The following SH3GL3 variants were observed in gnomAD, a reference collection of about 807,000 sequenced individuals.
The protein encoded by SH3GL3 is SH3 domain containing GRB2 like 3, endophilin A3, also known as endophilin-A3.
Under a neutral mutation model 47.7 loss-of-function variants are expected in SH3GL3, and 33 were observed. The ratio of observed to expected loss-of-function variants is 0.69; its 90% CI spans 0.52 to 0.92. The LOEUF (loss-of-function observed/expected upper bound fraction) is 0.92, where lower values mean the gene tolerates loss of function less well. Among genes scored for constraint, SH3GL3 ranks in the 40% least tolerant of loss-of-function variants. The pLI is 0.00. For synonymous variants in SH3GL3, 155 were observed against 148.8 expected (o/e 1.04, Z -0.30); for missense variants, 363 against 417.8 (o/e 0.87, Z 1.14).
chr15:83,611,184 C>T (rs2060654494), intron 8 of SH3GL3, among the ~76,000 whole-genome samples: 1 of 151,788 alleles, frequency 6.6e-6, no homozygotes. Flanking sequence ...GTTTTCCTAC[C>T]TCCTACTGTG....
chr15:83,455,387 A>G (rs2039919975), intron 1 of SH3GL3, among the ~76,000 whole-genome samples: 1 of 64,294 alleles, frequency 1.6e-5, no homozygotes, highest in Non-Finnish European at 3.0e-5. Context: ...TCTCCCGGAT[A>G]ATATCCTGCA....
intron 1 of SH3GL3, among the ~76,000 whole-genome samples, chr15:83,508,829 C>T (rs1478471573): frequency 2.6e-5 from 4 of 152,130 alleles, no homozygotes; most frequent in African/African-American, 7.2e-5. Context: ...CTCCTGACCT[C>T]GTGATCCGCT....
chr15:83,495,426 G>A (rs1201078846), intron 1 of SH3GL3, among the ~76,000 whole-genome samples: 1 of 152,194 alleles, frequency 6.6e-6, no homozygotes, highest in African/African-American at 2.4e-5. Flanking sequence ...CCATGAGAAT[G>A]TGAGGGAATA....
the SH3GL3 span, among the ~76,000 whole-genome samples, chr15:83,623,867 C>A: frequency 6.6e-6 from 1 of 152,100 alleles, no homozygotes; most frequent in Non-Finnish European, 1.5e-5. Flanking sequence ...CTCACTGCAA[C>A]CTCCGCTTCC....
intron 1 of SH3GL3, among the ~76,000 whole-genome samples, chr15:83,542,231 T>C (rs2044202956): frequency 6.6e-6 from 1 of 152,196 alleles, no homozygotes; most frequent in African/African-American, 2.4e-5. Context: ...AGACTGTCCT[T>C]TCCCCAATAT....
At chr15:83,572,754 T>TA in intron 5 of SH3GL3, 56 bp downstream of exon 5, 1 of 1,298,976 alleles carries the variant, frequency 7.7e-7, no homozygotes, top group South Asian at 1.3e-5. Context: ...TGTTTATATT[T>TA]AAAATCACTA....
chr15:83,620,278 AT>A (rs1292258537), downstream of SH3GL3, among the ~76,000 whole-genome samples: 5 of 152,218 alleles, frequency 3.3e-5, no homozygotes, highest in African/African-American at 4.8e-5. Flanking sequence ...CCTCCCATGA[AT>A]CACAAATGTT....
intron 1 of SH3GL3, among the ~76,000 whole-genome samples, chr15:83,472,626 C>T (rs1438808754): frequency 6.6e-6 from 1 of 152,166 alleles, no homozygotes; most frequent in African/African-American, 2.4e-5. Context: ...CTAGCATCTT[C>T]ACAGTGGCTT....
chr15:83,495,912 T>C (rs1369258485), intron 1 of SH3GL3, among the ~76,000 whole-genome samples: 1 of 152,038 alleles, frequency 6.6e-6, no homozygotes, highest in Non-Finnish European at 1.5e-5. Flanking sequence ...TGTGTGTGTG[T>C]ATGTGTAGTA....
At chr15:83,632,037 G>C in the SH3GL3 span, among the ~76,000 whole-genome samples, 1 of 152,060 alleles carries the variant, frequency 6.6e-6, no homozygotes, top group Non-Finnish European at 1.5e-5. Flanking sequence ...CAAGTTCAAA[G>C]TTCCACAGAT....
chr15:83,583,825 C>A (rs1352889981), intron 6 of SH3GL3, among the ~76,000 whole-genome samples: 1 of 152,092 alleles, frequency 6.6e-6, no homozygotes, highest in Admixed American at 6.5e-5. Context: ...GCCAAACCAA[C>A]AATGAAGTCC....
At chr15:83,625,294 A>G in the SH3GL3 span, among the ~76,000 whole-genome samples, 1 of 152,228 alleles carries the variant, frequency 6.6e-6, no homozygotes, top group Non-Finnish European at 1.5e-5. Context: ...AGAGATGTTA[A>G]GCAACTTGAT....
At chr15:83,527,816 C>T (rs2043493603) in intron 1 of SH3GL3, among the ~76,000 whole-genome samples, 1 of 152,092 alleles carries the variant, frequency 6.6e-6, no homozygotes, top group Non-Finnish European at 1.5e-5. Flanking sequence ...ATCATTGCCA[C>T]TTGCAGGTCT....
Position 83,541,312 on chromosome 15 carries a change from A to ATTTTTTTTTTTTTTTTTTTTT in SH3GL3, c.46-17922_46-17902dup, listed in dbSNP as rs71156085. 4.2e-5 allele frequency among the ~76,000 whole-genome samples: 2 copies of ATTTTTTTTTTTTTTTTTTTTT among 47,366 alleles called. 1 individual carries two copies. The highest frequency in any genetic ancestry group is 1.4e-4 in the African/African-American group (2 of 14,382). The allele number at this position is 47,366 out of a possible 152,430, so 31.1% of individuals were successfully genotyped here. Reference sequence around the variant, plus strand: ...GATGGCTGGATCATATGGTAATTCTATTTTTTTTTTTTTTTTTTTTTTTTT... The same window carrying ATTTTTTTTTTTTTTTTTTTTT: ...GATGGCTGGATCATATGGTAATTCTATTTTTTTTTTTTTTTTTTTTTTTTTTTTTTTTTTTTTTTTTTTTTT... On this transcript the variant is annotated intron_variant, in intron 1 of 8. Coordinates refer to ENST00000427482, the MANE Select transcript of SH3GL3 (RefSeq NM_003027.5).
intron 6 of SH3GL3, 52 bp from the exon 7 acceptor site, chr15:83,586,931 G>C: frequency 1.1e-6 from 1 of 946,832 alleles, no homozygotes; most frequent in Non-Finnish European, 1.6e-6. Flanking sequence ...TCTCTCTCTG[G>C]ACATTACACA....
At chr15:83,586,869 C>A in intron 6 of SH3GL3, 114 bp from the exon 7 acceptor site, 1 of 538,562 alleles carries the variant, frequency 1.9e-6, no homozygotes. Context: ...TGAAATGGAC[C>A]AAGGCAGACA....
At chr15:83,465,086 A>T (rs908789814) in intron 1 of SH3GL3, among the ~76,000 whole-genome samples, 1 of 151,252 alleles carries the variant, frequency 6.6e-6, no homozygotes, top group African/African-American at 2.4e-5. Context: ...AAGGAGGGCG[A>T]ATCACCTGAG....
chr15:83,579,590 C>T (rs183907955), intron 6 of SH3GL3, among the ~76,000 whole-genome samples: 88 of 152,118 alleles, frequency 5.8e-4, no homozygotes, highest in Non-Finnish European at 1.0e-3. Flanking sequence ...TGGTGGTGAT[C>T]GTGATAATGA....
At chr15:83,560,405 A>T (rs559163105) in intron 2 of SH3GL3, among the ~76,000 whole-genome samples, 1 of 152,324 alleles carries the variant, frequency 6.6e-6, no homozygotes, top group African/African-American at 2.4e-5. Context: ...TTGAAAGAAA[A>T]CTTAATTTCT....
Sources: allele counts gnomAD v4.1 joint callset (sites outside exome capture counted in the v4.1 genomes callset), GRCh38; gene constraint gnomAD v4.1.1; transcripts MANE v1.5; gene names NCBI Gene and HGNC (gene_info 2026-07-23, HGNC 2026-07-21).